The following SSBP2 variants were observed in gnomAD, a reference collection of about 807,000 sequenced individuals.
SSBP2 encodes single-stranded DNA-binding protein 2.
In SSBP2, 17 loss-of-function variants were observed where a neutral mutation model predicts 61.8. The ratio of observed to expected loss-of-function variants is 0.28; its 90% CI spans 0.19 to 0.41. The LOEUF (loss-of-function observed/expected upper bound fraction) is 0.41, where lower values mean the gene tolerates loss of function less well. SSBP2 is among the 10% of genes least tolerant of loss of function. The pLI is 1.00. For missense variants in SSBP2, 310 were observed against 458.7 expected (o/e 0.68, Z 2.96); for synonymous variants, 139 against 141.3 (o/e 0.98, Z 0.12).
chr5:81,583,281 A>C (rs2153480496), intron 4 of SSBP2, among the ~76,000 whole-genome samples: 1 of 152,252 alleles, frequency 6.6e-6, no homozygotes, highest in South Asian at 2.1e-4. Flanking sequence ...AAAACTAATT[A>C]CATCAAATAA....
intron 9 of SSBP2, among the ~76,000 whole-genome samples, chr5:81,463,480 A>G (rs920088732): frequency 6.6e-6 from 1 of 152,192 alleles, no homozygotes; most frequent in African/African-American, 2.4e-5. Flanking sequence ...CGGGGGGACC[A>G]CTTGAGCTCA....
chr5:81,685,750 A>G (rs1301158579), intron 1 of SSBP2, among the ~76,000 whole-genome samples: 1 of 152,178 alleles, frequency 6.6e-6, no homozygotes, highest in East Asian at 1.9e-4. Context: ...GGTTCTAGAT[A>G]CCTAAGCAAT....
chr5:81,465,946 C>T (rs1484936850), intron 9 of SSBP2, among the ~76,000 whole-genome samples: 1 of 151,912 alleles, frequency 6.6e-6, no homozygotes, highest in Non-Finnish European at 1.5e-5. Context: ...AACCTATTTT[C>T]TATTTCAGGC....
At chr5:81,624,889 CG>C (rs1561621444) in intron 3 of SSBP2, among the ~76,000 whole-genome samples, 1 of 152,006 alleles carries the variant, frequency 6.6e-6, no homozygotes, top group African/African-American at 2.4e-5. Flanking sequence ...TTAAATACCA[CG>C]TCTATATAAT....
chr5:81,698,820 A>G (rs191306839), intron 1 of SSBP2, among the ~76,000 whole-genome samples: 9 of 152,326 alleles, frequency 5.9e-5, no homozygotes, highest in African/African-American at 1.9e-4. Context: ...AAAATAAAAA[A>G]TACACTGCAT....
At chr5:81,747,709 T>C (rs191586877) in intron 1 of SSBP2, among the ~76,000 whole-genome samples, 1 of 152,272 alleles carries the variant, frequency 6.6e-6, no homozygotes, top group East Asian at 1.9e-4. Context: ...CACCTTAATG[T>C]TCAAGATACC....
chr5:81,622,341 C>T (rs923840377), intron 3 of SSBP2, among the ~76,000 whole-genome samples: 5 of 152,026 alleles, frequency 3.3e-5, no homozygotes, highest in Non-Finnish European at 1.5e-5. Flanking sequence ...AAGGCAATTA[C>T]AATTATCGAT....
chr5:81,712,738 T>TTG (rs1554117450), intron 1 of SSBP2, among the ~76,000 whole-genome samples: 26 of 148,820 alleles, frequency 1.7e-4, no homozygotes, highest in African/African-American at 5.3e-4. Flanking sequence ...GTTTTTTTTT[T>TTG]TTTGTTTTTT....
chr5:81,471,212 T>C (rs1206256985), intron 8 of SSBP2, among the ~76,000 whole-genome samples: 1 of 151,766 alleles, frequency 6.6e-6, no homozygotes, highest in Non-Finnish European at 1.5e-5. Flanking sequence ...ATCTAAAGAA[T>C]TGACACATAT....
intron 1 of SSBP2, among the ~76,000 whole-genome samples, chr5:81,705,933 T>C (rs372716826): frequency 1.3e-5 from 2 of 152,190 alleles, no homozygotes; most frequent in South Asian, 4.1e-4. Context: ...GAAAGCAGTT[T>C]GAAGATTTCT....
chr5:81,431,886 C>T (rs1012870064), intron 15 of SSBP2, among the ~76,000 whole-genome samples: 1 of 152,194 alleles, frequency 6.6e-6, no homozygotes, highest in Non-Finnish European at 1.5e-5. Context: ...GTGCCCAGCT[C>T]ATATCTTCTC....
chr5:81,587,782 C>CACAT (rs1554092945), intron 4 of SSBP2, among the ~76,000 whole-genome samples: 1 of 151,588 alleles, frequency 6.6e-6, no homozygotes, highest in East Asian at 1.9e-4. Flanking sequence ...CACACACACA[C>CACAT]ACTAATGCTT....
intron 4 of SSBP2, among the ~76,000 whole-genome samples, chr5:81,541,536 A>G (rs1326238041): frequency 5.3e-5 from 8 of 152,152 alleles, no homozygotes. Context: ...TAAGGCTACA[A>G]TAAGCCAAAA....
intron 10 of SSBP2, among the ~76,000 whole-genome samples, chr5:81,451,789 C>T (rs1438718517): frequency 6.6e-6 from 1 of 152,180 alleles, no homozygotes; most frequent in Non-Finnish European, 1.5e-5. Context: ...ATAAAATAAA[C>T]ATTTAAAAAT....
intron 4 of SSBP2, among the ~76,000 whole-genome samples, chr5:81,521,354 C>T (rs1769468437): frequency 6.6e-6 from 1 of 151,948 alleles, no homozygotes; most frequent in African/African-American, 2.4e-5. Context: ...TGTAACCATA[C>T]TCTTAGCATC....
At chr5:81,710,386 T>A (rs771726428) in intron 1 of SSBP2, among the ~76,000 whole-genome samples, 11 of 152,200 alleles carry the variant, frequency 7.2e-5, no homozygotes, top group Non-Finnish European at 5.9e-5. Flanking sequence ...GAAAGAATCT[T>A]GTGATAAAGA....
chr5:81,750,880 T>G, intron 1 of SSBP2, 101 bp downstream of exon 1: 1 of 1,209,198 alleles, frequency 8.3e-7, no homozygotes, highest in Non-Finnish European at 1.1e-6. Flanking sequence ...CCCCCGGCGC[T>G]CCCCGGGCGG....
rs1301800463 is a variant in SSBP2 at position 81,515,739 on chromosome 5, T to TG, written c.283-2023dup. 3.3e-5 allele frequency among the ~76,000 whole-genome samples: 5 copies of TG among 151,728 alleles called. No individual in the cohort carries two copies. In the East Asian group the frequency reaches 9.6e-4, roughly 29 times the overall value. The stretch of plus-strand genomic sequence containing the variant: ...TTTAAAGGTATATCATATGCTAGGT[T>TG]GGTAGGGTTTTCTTCAAAGTTCTTA... On this transcript the variant is annotated intron_variant, in intron 4 of 16. Coordinates refer to ENST00000320672, the MANE Select transcript of SSBP2 (RefSeq NM_012446.5).
chr5:81,690,804 C>A (rs1159392379), intron 1 of SSBP2, among the ~76,000 whole-genome samples: 1 of 152,010 alleles, frequency 6.6e-6, no homozygotes, highest in Non-Finnish European at 1.5e-5. Context: ...TCAAAACAGA[C>A]CATATGTTAG....
Sources: gnomAD v4.1 joint callset for allele counts (sites outside exome capture counted in the v4.1 genomes callset) on GRCh38, gnomAD v4.1.1 for gene constraint, MANE v1.5 for transcripts, NCBI Gene and HGNC (gene_info 2026-07-23, HGNC 2026-07-21) for gene names.